The following SNX18 variants were observed in gnomAD, a reference collection of about 807,000 sequenced individuals.
SNX18 encodes the protein sorting nexin 18.
A neutral mutation model predicts 48.7 loss-of-function variants in SNX18; 35 were observed. The ratio of observed to expected loss-of-function variants is 0.72; its 90% CI spans 0.55 to 0.95. The LOEUF (loss-of-function observed/expected upper bound fraction) is 0.95. SNX18 is among the 40% of genes least tolerant of loss of function. The probability of loss-of-function intolerance (pLI) is 0.00; values close to 1 mark genes in which losing one functional copy is unlikely to be tolerated. For missense variants in SNX18, 824 were observed against 871.0 expected, an observed-to-expected ratio of 0.95 and a Z score of 0.68; for synonymous variants, 492 against 384.7, an observed-to-expected ratio of 1.28 and a Z score of -3.26.
At chr5:54,636,942 T>C in the SNX18 span, among the ~76,000 whole-genome samples, 1 of 152,184 alleles carries the variant, frequency 6.6e-6, no homozygotes, top group Non-Finnish European at 1.5e-5. Flanking sequence ...CATCTCCACA[T>C]GTGTCCTCAA....
the SNX18 span, chr5:54,644,464 A>G: frequency 6.6e-6 from 1 of 152,222 alleles, no homozygotes; most frequent in South Asian, 2.1e-4. Context: ...CATCTGACTC[A>G]TAGTAGAGAT....
At chr5:54,542,643 C>T (rs1762493936) in intron 1 of SNX18, among the ~76,000 whole-genome samples, 1 of 152,208 alleles carries the variant, frequency 6.6e-6, no homozygotes, top group Non-Finnish European at 1.5e-5. Flanking sequence ...CCCTCCATGA[C>T]TGTGACATGA....
the SNX18 span, among the ~76,000 whole-genome samples, chr5:54,593,977 TAG>T: frequency 2.0e-5 from 3 of 152,192 alleles, no homozygotes. Flanking sequence ...AAACATTTCC[TAG>T]AGAGGCAACA....
At chr5:54,535,016 T>C (rs1203516122) in intron 1 of SNX18, among the ~76,000 whole-genome samples, 2 of 152,228 alleles carry the variant, frequency 1.3e-5, no homozygotes, top group Non-Finnish European at 2.9e-5. Context: ...TAATTCATAA[T>C]TTATAAATGA....
At chr5:54,529,777 C>T (rs1464236879) in intron 1 of SNX18, among the ~76,000 whole-genome samples, 5 of 152,214 alleles carry the variant, frequency 3.3e-5, no homozygotes, top group African/African-American at 1.2e-4. Flanking sequence ...TTGGGCCACA[C>T]ACTTCTTAAC....
chr5:54,542,781 A>G (rs1762496102), intron 1 of SNX18, among the ~76,000 whole-genome samples: 2 of 152,208 alleles, frequency 1.3e-5, no homozygotes, highest in Non-Finnish European at 2.9e-5. Flanking sequence ...AAACAGTATA[A>G]TTCTCTTAAT....
chr5:54,549,564 A>G (rs1762622723), downstream of SNX18, among the ~76,000 whole-genome samples: 1 of 152,220 alleles, frequency 6.6e-6, no homozygotes, highest in African/African-American at 2.4e-5. Context: ...CAGCAAGGCA[A>G]AGGAGCCCTT....
At chr5:54,529,639 T>C (rs74784528) in intron 1 of SNX18, among the ~76,000 whole-genome samples, 1 of 151,620 alleles carries the variant, frequency 6.6e-6, no homozygotes, top group African/African-American at 2.4e-5. Flanking sequence ...TTTTTTTTTT[T>C]CCACTAGAAA....
chr5:54,583,911 T>C, the SNX18 span, among the ~76,000 whole-genome samples: 1 of 152,196 alleles, frequency 6.6e-6, no homozygotes, highest in Admixed American at 6.5e-5. Context: ...TGTAATGACA[T>C]TGCTGCCAGA....
chr5:54,646,033 T>C, the SNX18 span: 1 of 152,258 alleles, frequency 6.6e-6, no homozygotes, highest in Non-Finnish European at 1.5e-5. Context: ...GAAACTTTTC[T>C]GGCATTCATT....
chr5:54,530,744 A>ATTTTTTTTTTTTTTTTTTT (rs70986692), intron 1 of SNX18, among the ~76,000 whole-genome samples: 5 of 72,510 alleles, frequency 6.9e-5, no homozygotes, highest in Admixed American at 2.1e-4. Flanking sequence ...AACCACAGAA[A>ATTTTTTTTTTTTTTTTTTT]TTTTTTTTTT....
the SNX18 span, among the ~76,000 whole-genome samples, chr5:54,624,965 CAT>C: frequency 2.8e-4 from 43 of 152,318 alleles, no homozygotes; most frequent in African/African-American, 9.4e-4. Context: ...CTGTTGCAAT[CAT>C]ATGAAAGTTT....
chr5:54,519,594 C>T (rs1216807523), intron 1 of SNX18, 21 bp downstream of exon 1: 1 of 1,614,198 alleles, frequency 6.2e-7, no homozygotes, highest in South Asian at 1.1e-5. Context: ...GCCCTTAGAG[C>T]AGGTGATATG....
chr5:54,554,545 T>C, the SNX18 span, among the ~76,000 whole-genome samples: 6 of 152,198 alleles, frequency 3.9e-5, no homozygotes, highest in African/African-American at 1.4e-4. Context: ...ATGAAAACGT[T>C]CATTATATGA....
At chr5:54,590,150 C>T in the SNX18 span, among the ~76,000 whole-genome samples, 1 of 152,180 alleles carries the variant, frequency 6.6e-6, no homozygotes, top group African/African-American at 2.4e-5. Context: ...TAGACATGGC[C>T]TCTTCCAGTT....
At chr5:54,565,341 A>G in the SNX18 span, among the ~76,000 whole-genome samples, 1 of 152,210 alleles carries the variant, frequency 6.6e-6, no homozygotes, top group Non-Finnish European at 1.5e-5. Context: ...TGGGAGGCCA[A>G]GGCAGGAGAA....
chr5:54,634,207 T>C, the SNX18 span, among the ~76,000 whole-genome samples: 1 of 152,176 alleles, frequency 6.6e-6, no homozygotes, highest in Non-Finnish European at 1.5e-5. Flanking sequence ...CTAACATGCT[T>C]ATTGGATTTC....
rs527269104 is a variant in SNX18 at position 54,545,516 on chromosome 5, A to C, written c.*2084A>C. ...ACTTTAGCCAGGGTGGACATAGCTTAAATTATAAAAACTAAAGATGAAAGT... is the reference window on the plus strand; with the variant it reads ...ACTTTAGCCAGGGTGGACATAGCTTCAATTATAAAAACTAAAGATGAAAGT... On this transcript the variant is annotated 3_prime_UTR_variant, in exon 2 of 2. Transcript: ENST00000381410. 40 of 152,262 alleles carry C rather than the reference A, an allele frequency of 2.6e-4. No homozygotes were observed. Among genetic ancestry groups the C allele is most frequent in the Admixed American group, 2.3e-3 (35 of 15,294 alleles). The allele number at this position is 152,262 out of a possible 1,614,324, so 9.4% of individuals were successfully genotyped here.
At chr5:54,536,159 G>T (rs1313180572) in intron 1 of SNX18, among the ~76,000 whole-genome samples, 10 of 152,148 alleles carry the variant, frequency 6.6e-5, no homozygotes, top group African/African-American at 9.7e-5. Flanking sequence ...TGCCTGTTCG[G>T]TATCACTGTA....
Sources: allele counts gnomAD v4.1 joint callset (sites outside exome capture counted in the v4.1 genomes callset), GRCh38; gene constraint gnomAD v4.1.1; transcripts MANE v1.5; gene names NCBI Gene and HGNC (gene_info 2026-07-23, HGNC 2026-07-21).